ROBO2: variants seen among roughly 807,000 people sequenced by gnomAD.
The protein encoded by ROBO2 is roundabout guidance receptor 2.
In ROBO2, 53 loss-of-function variants were observed where a neutral mutation model predicts 160.8. The ratio of observed to expected loss-of-function variants is 0.33; its 90% confidence interval spans 0.26 to 0.41. ROBO2 has a LOEUF of 0.41. Among genes scored for constraint, ROBO2 ranks in the 10% least tolerant of loss-of-function variants. The pLI, the probability that ROBO2 is intolerant of heterozygous loss-of-function variation, is 1.00. For missense variants in ROBO2, 1,577 were observed against 1,722.4 expected, an observed-to-expected ratio of 0.92 and a Z score of 1.49; for synonymous variants, 664 against 611.7, an observed-to-expected ratio of 1.09 and a Z score of -1.26.
intron 2 of ROBO2, among the ~76,000 whole-genome samples, chr3:76,478,258 T>G (rs2079037860): frequency 7.0e-6 from 1 of 143,406 alleles, no homozygotes; most frequent in African/African-American, 2.6e-5. Flanking sequence ...AATTCCCACC[T>G]ATGAGTGAGA....
At chr3:76,552,343 T>C (rs942255204) in intron 2 of ROBO2, among the ~76,000 whole-genome samples, 28 of 152,150 alleles carry the variant, frequency 1.8e-4, no homozygotes, top group African/African-American at 6.8e-4. Flanking sequence ...AAATCCAGAT[T>C]CAAAGACAAT....
intron 2 of ROBO2, among the ~76,000 whole-genome samples, chr3:77,031,995 C>T (rs1252209567): frequency 6.6e-6 from 1 of 152,108 alleles, no homozygotes; most frequent in Non-Finnish European, 1.5e-5. Flanking sequence ...TGTGTCTTCA[C>T]ATGGTGGAAG....
intron 2 of ROBO2, among the ~76,000 whole-genome samples, chr3:77,448,632 T>A (rs576977691): frequency 1.3e-5 from 2 of 151,626 alleles, no homozygotes; most frequent in East Asian, 3.9e-4. Context: ...TACATTTCAC[T>A]GCCTGGCACA....
At chr3:77,367,426 C>T (rs1028804445) in intron 2 of ROBO2, among the ~76,000 whole-genome samples, 3 of 151,910 alleles carry the variant, frequency 2.0e-5, no homozygotes, top group South Asian at 2.1e-4. Flanking sequence ...TGGTGGGCTT[C>T]TAGTACACAC....
intron 2 of ROBO2, among the ~76,000 whole-genome samples, chr3:77,205,188 C>G (rs1413180153): frequency 1.3e-5 from 2 of 152,112 alleles, no homozygotes. Context: ...CTTTCTGTAT[C>G]CTGAATTCTT....
rs1270139362 is a variant in ROBO2 at position 76,874,232 on chromosome 3, G to A, written c.110-223782G>A. Among the ~76,000 whole-genome samples, 3 of 151,294 alleles carry A rather than the reference G, an allele frequency of 2.0e-5. No homozygotes were observed. In the East Asian group the frequency reaches 5.8e-4, roughly 29 times the overall value. On this transcript the variant is annotated intron_variant, in intron 2 of 26. Transcript: ENST00000487694. ...CAATAAAAAAAAAAAAAGTAGCTTT[G>A]ACTTCCAACAACCATTAACTTTGTT...
At chr3:77,180,416 C>CTCTCTCTCTCTCTCTA (rs1433740534) in intron 2 of ROBO2, among the ~76,000 whole-genome samples, 5 of 90,708 alleles carry the variant, frequency 5.5e-5, no homozygotes, top group Admixed American at 2.7e-4. Context: ...CTCTCTCTCT[C>CTCTCTCTCTCTCTCTA]TATATATATA....
intron 2 of ROBO2, among the ~76,000 whole-genome samples, chr3:76,449,655 G>A (rs74795896): frequency 0.015 from 2,280 of 152,114 alleles, 18 homozygotes; most frequent in Admixed American, 0.023. Flanking sequence ...TTGTTCCCCC[G>A]AAAGCAGTGT....
At chr3:76,049,333 C>G (rs1178845171) in intron 2 of ROBO2, among the ~76,000 whole-genome samples, 1 of 147,034 alleles carries the variant, frequency 6.8e-6, no homozygotes, top group Non-Finnish European at 1.5e-5. Context: ...ACCTCAGCCT[C>G]TGGAGTAGCT....
At chr3:76,101,463 G>T (rs976147476) in intron 2 of ROBO2, among the ~76,000 whole-genome samples, 8 of 152,146 alleles carry the variant, frequency 5.3e-5, no homozygotes, top group Admixed American at 2.0e-4. Flanking sequence ...CTCAGGAGAG[G>T]TCTAAGCTGG....
At chr3:77,010,858 C>CTCCG in intron 2 of ROBO2, among the ~76,000 whole-genome samples, 2 of 125,372 alleles carry the variant, frequency 1.6e-5, no homozygotes, top group Admixed American at 8.0e-5. Context: ...CCCTCTCTCC[C>CTCCG]TCCCTCCCTA....
chr3:76,748,347 TATG>T (rs1484487459), intron 2 of ROBO2, among the ~76,000 whole-genome samples: 1 of 151,734 alleles, frequency 6.6e-6, no homozygotes, highest in Non-Finnish European at 1.5e-5. Context: ...ATATTATATG[TATG>T]ATGTTGATAC....
intron 2 of ROBO2, among the ~76,000 whole-genome samples, chr3:77,127,010 C>T (rs1382237175): frequency 1.3e-5 from 2 of 151,534 alleles, no homozygotes; most frequent in African/African-American, 2.4e-5. Context: ...AGGATGGTCT[C>T]CATCTCCTGA....
At chr3:77,179,373 T>C (rs1190551379) in intron 2 of ROBO2, among the ~76,000 whole-genome samples, 1 of 152,082 alleles carries the variant, frequency 6.6e-6, no homozygotes, top group Non-Finnish European at 1.5e-5. Context: ...CTATTTTTTA[T>C]ACATTGCCAT....
At chr3:76,938,113 C>A (rs748947591) in intron 2 of ROBO2, among the ~76,000 whole-genome samples, 2 of 152,142 alleles carry the variant, frequency 1.3e-5, no homozygotes, top group Non-Finnish European at 2.9e-5. Context: ...AGGCTGGTTT[C>A]TTTGGCAGGC....
chr3:76,578,245 C>T (rs1333434642), intron 2 of ROBO2, among the ~76,000 whole-genome samples: 2 of 152,130 alleles, frequency 1.3e-5, no homozygotes, highest in African/African-American at 4.8e-5. Context: ...GGAACATTAG[C>T]TGCTGTTATT....
intron 13 of ROBO2, among the ~76,000 whole-genome samples, chr3:77,570,622 A>G (rs535142915): frequency 6.6e-6 from 1 of 152,178 alleles, no homozygotes; most frequent in South Asian, 2.1e-4. Context: ...TGACATAAGT[A>G]TGCATTTGAA....
chr3:77,262,246 C>T (rs1331160425), intron 2 of ROBO2, among the ~76,000 whole-genome samples: 3 of 152,080 alleles, frequency 2.0e-5, no homozygotes, highest in Non-Finnish European at 4.4e-5. Flanking sequence ...GGGTAATGTC[C>T]AGTGATTGGA....
intron 2 of ROBO2, among the ~76,000 whole-genome samples, chr3:76,607,676 A>G (rs2087765459): frequency 6.6e-6 from 1 of 152,152 alleles, no homozygotes; most frequent in Non-Finnish European, 1.5e-5. Flanking sequence ...TCTATCTCCT[A>G]CATTAGAAAA....
Sources: allele counts gnomAD v4.1 joint callset (sites outside exome capture counted in the v4.1 genomes callset), GRCh38; gene constraint gnomAD v4.1.1; transcripts MANE v1.5; gene names NCBI Gene and HGNC (gene_info 2026-07-23, HGNC 2026-07-21).